Variants in ZNF33B observed in about 807,000 individuals in gnomAD.
The protein encoded by ZNF33B is zinc finger protein 33B, also known as zinc finger protein 11b (KOX 2).
ZNF33B carries 29 observed loss-of-function variants against 45.8 expected under a neutral mutation model. The ratio of observed to expected loss-of-function variants is 0.63; its 90% CI spans 0.47 to 0.86. The LOEUF is 0.86. Ranked by LOEUF, ZNF33B falls within the 40% of genes least tolerant of loss-of-function variation. The pLI is 0.00. For missense variants in ZNF33B, 831 were observed against 909.9 expected, an observed-to-expected ratio of 0.91 and a Z score of 1.12; for synonymous variants, 305 against 307.8, an observed-to-expected ratio of 0.99 and a Z score of 0.10.
rs1837023492 is a variant in ZNF33B, at chr10:42,589,644, C to T, written c.*2969G>A. ...ATGTCTAATTCTTTTTTATCATATA[C>T]CTGAGGACTACATTCTACAACCCTG... On this transcript the variant is annotated 3_prime_UTR_variant, in exon 5 of 5. Transcript: ENST00000359467. The T allele has an allele frequency of 6.8e-6, 1 of 147,336 alleles. No individual in the cohort carries two copies. Among genetic ancestry groups the T allele is most frequent in the Non-Finnish European group, 1.5e-5 (1 of 67,660 alleles). 9.1% of individuals were successfully genotyped at this position (147,336 alleles called of 1,614,324 possible).
chr10:42,601,830 T>C (rs1837635500), intron 4 of ZNF33B, among the ~76,000 whole-genome samples: 1 of 152,014 alleles, frequency 6.6e-6, no homozygotes, highest in African/African-American at 2.4e-5. Context: ...ATGGCTTCTA[T>C]TACTGTGTTT....
intron 4 of ZNF33B, among the ~76,000 whole-genome samples, chr10:42,597,031 T>C (rs1031889104): frequency 3.3e-5 from 5 of 152,104 alleles, no homozygotes; most frequent in Admixed American, 3.3e-4. Context: ...CACAATTATA[T>C]ACAATGTCAA....
chr10:42,625,706 C>T (rs1335627034), intron 4 of ZNF33B, among the ~76,000 whole-genome samples: 1 of 152,252 alleles, frequency 6.6e-6, no homozygotes, highest in South Asian at 2.1e-4. Flanking sequence ...CTCCTGACCT[C>T]AGGTGATCCA....
chr10:42,596,272 C>T (rs1363413121), intron 4 of ZNF33B, among the ~76,000 whole-genome samples: 4 of 151,860 alleles, frequency 2.6e-5, no homozygotes, highest in Admixed American at 1.3e-4. Context: ...ACAGTTTTCT[C>T]TAAAACATAT....
rs1837221368 is a variant in ZNF33B, at chr10:42,593,187, T to C, written c.1763A>G (p.Lys588Arg). 1 of 1,613,600 alleles carries C rather than the reference T, an allele frequency of 6.2e-7. No individual in the cohort carries two copies. The highest frequency in any genetic ancestry group is 8.5e-7 in the Non-Finnish European group (1 of 1,179,894). Residue 588 changes from lysine (K) to arginine (R), a missense_variant, in exon 5 of 5, where the codon AAA becomes AGA. Physicochemically the swap from Lys to Arg is conservative, Grantham distance 26 (BLOSUM62 2). Transcript: ENST00000359467. ...TAGGTATGATTTATTGTAAAAGATT[T>C]TTCCACATTCATGACATTCATAGGG... is the stretch of plus-strand genomic sequence containing the variant. ...EKPYECHECG[K>R]IFYNKSYLTK...
chr10:42,596,042 CAGAA>C (rs1427272757), intron 4 of ZNF33B, among the ~76,000 whole-genome samples: 1 of 151,474 alleles, frequency 6.6e-6, no homozygotes, highest in Non-Finnish European at 1.5e-5. Context: ...AAAATTGGAT[CAGAA>C]AGAAAGTTCT....
chr10:42,592,733 A>G lies in ZNF33B; in HGVS notation c.2217T>C (p.His739=). 1 of 1,614,058 alleles carries G rather than the reference A, an allele frequency of 6.2e-7. No homozygotes were observed. Among genetic ancestry groups the G allele is most frequent in the Non-Finnish European group, 8.5e-7 (1 of 1,179,982 alleles). ...GCTTTTCCCCTGTATGTGATCTCTGATGTTTAGCAAGGTCTGATTTACGGT... is the reference window on the plus strand; with the variant it reads ...GCTTTTCCCCTGTATGTGATCTCTGGTGTTTAGCAAGGTCTGATTTACGGT... The part of the protein sequence containing the change: ...IFYRKSDLAK[H]QRSHTGEKPY... Residue 739 remains histidine (H), a synonymous_variant, in exon 5 of 5, where the codon CAT becomes CAC. Transcript: ENST00000359467.
At chr10:42,637,041 C>T in intron 1 of ZNF33B, 69 bp from the exon 2 acceptor site, 1 of 1,498,416 alleles carries the variant, frequency 6.7e-7, no homozygotes, top group South Asian at 1.2e-5. Flanking sequence ...GATTCTTCTG[C>T]CCTAAGAAGC....
chr10:42,585,070 G>A (rs531476162), downstream of ZNF33B, among the ~76,000 whole-genome samples: 4 of 152,306 alleles, frequency 2.6e-5, no homozygotes, highest in South Asian at 2.1e-4. Flanking sequence ...AACAAGGGGA[G>A]ACACCATGTC....
chr10:42,601,111 G>A (rs935669045), intron 4 of ZNF33B, among the ~76,000 whole-genome samples: 1 of 152,114 alleles, frequency 6.6e-6, no homozygotes, highest in African/African-American at 2.4e-5. Context: ...CAAAAATAAT[G>A]TTCTACTATT....
At chr10:42,597,060 T>A (rs1837429182) in intron 4 of ZNF33B, among the ~76,000 whole-genome samples, 1 of 152,128 alleles carries the variant, frequency 6.6e-6, no homozygotes, top group Non-Finnish European at 1.5e-5. Context: ...TTTCTATAGA[T>A]GACTTTTATT....
At chr10:42,575,310 A>T (rs1836732429) in intron 1 of ZNF33B, among the ~76,000 whole-genome samples, 1 of 152,144 alleles carries the variant, frequency 6.6e-6, no homozygotes, top group Non-Finnish European at 1.5e-5. Flanking sequence ...GCCATCCTCC[A>T]GGGTGGAGGA....
In ZNF33B at chr10:42,632,004, C is replaced by T; in HGVS notation, c.175G>A (p.Glu59Lys). 6.2e-7 allele frequency: 1 copy of T among 1,614,148 alleles called. No individual in the cohort carries two copies. The highest frequency in any genetic ancestry group is 8.5e-7 in the Non-Finnish European group (1 of 1,180,030). ...VSVGYCAHKP[E>K]VIFRLEQGEE... ...CCTTGTTCCAGCCTGAAGATCACCT[C>T]TGGTTTGTGAGCACAATACCCTGTT... Residue 59 changes from glutamate to lysine, a missense_variant, in exon 4 of 5, where the codon GAG becomes AAG. Glu to Lys is a moderately conservative substitution (Grantham distance 56, BLOSUM62 1). Transcript: ENST00000359467.
intron 1 of ZNF33B, chr10:42,583,509 G>A: frequency 4.0e-6 from 1 of 248,740 alleles, no homozygotes; most frequent in Non-Finnish European, 8.0e-6. Context: ...TGAGGGTGCT[G>A]TCATGTGTCT....
rs560441414 is a variant in ZNF33B, at chr10:42,592,578, G to C, written c.*35C>G. 3.8e-6 allele frequency: 6 copies of C among 1,591,774 alleles called. No individual in the cohort carries two copies. In the South Asian group the frequency reaches 7.0e-5, roughly 18 times the overall value. On this transcript the variant is annotated 3_prime_UTR_variant, in exon 5 of 5. Transcript: ENST00000359467. Reference sequence around the variant, plus strand: ...TGTGAAGACTCTGAGGCATTATGGAGGCTGACTTGTGGCTGGAAATTTCTA... The same window carrying C: ...TGTGAAGACTCTGAGGCATTATGGACGCTGACTTGTGGCTGGAAATTTCTA...
chr10:42,636,574 C>A (rs1839311176), intron 2 of ZNF33B, among the ~76,000 whole-genome samples: 1 of 152,216 alleles, frequency 6.6e-6, no homozygotes, highest in African/African-American at 2.4e-5. Context: ...GTAATCCCAA[C>A]ACTTTGGGAG....
chr10:42,637,690 T>G (rs192515952), intron 1 of ZNF33B, among the ~76,000 whole-genome samples: 1 of 152,330 alleles, frequency 6.6e-6, no homozygotes, highest in East Asian at 1.9e-4. Flanking sequence ...GAGACGGAGT[T>G]TCGTTCTTGT....
chr10:42,620,385 G>A (rs1257012174), intron 4 of ZNF33B, among the ~76,000 whole-genome samples: 1 of 151,804 alleles, frequency 6.6e-6, no homozygotes, highest in Non-Finnish European at 1.5e-5. Flanking sequence ...GAAGACAGAG[G>A]CTGGCAGAAT....
At position 42,592,762 on chromosome 10, in the gene ZNF33B, A is replaced by C. The variant is rs759901348; in HGVS notation, c.2188T>G (p.Phe730Val). 1 of 1,613,964 alleles carries C rather than the reference A, an allele frequency of 6.2e-7. No individual in the cohort carries two copies. The highest frequency in any genetic ancestry group is 1.3e-5 in the African/African-American group (1 of 74,898). The change falls in exon 5 of 5, where the codon TTT becomes GTT. Residue 730 changes from phenylalanine (F) to valine (V), a missense_variant. Physicochemically the swap from Phe to Val is conservative, Grantham distance 50 (BLOSUM62 -1). Coordinates refer to ENST00000359467, the MANE Select transcript of ZNF33B (RefSeq NM_006955.3). ...TTAGCAAGGTCTGATTTACGGTAAA[A>C]GATTTTTCCACATTCATTACACTGA... ...SCQCNECGKI[F>V]YRKSDLAKHQ...
Sources: allele counts gnomAD v4.1 joint callset (sites outside exome capture counted in the v4.1 genomes callset), GRCh38; gene constraint gnomAD v4.1.1; transcripts MANE v1.5; gene names NCBI Gene and HGNC (gene_info 2026-07-23, HGNC 2026-07-21).